STARD13: variants seen among roughly 807,000 people sequenced by gnomAD.
STARD13 encodes the protein stAR-related lipid transfer protein 13.
Under a neutral mutation model 106.4 loss-of-function variants are expected in STARD13, and 62 were observed. The observed-to-expected ratio is 0.58, with a 90% CI of 0.48 to 0.72. STARD13 has a LOEUF of 0.72. STARD13 is among the 30% of genes least tolerant of loss of function. The probability of loss-of-function intolerance (pLI) is 0.00; values close to 1 mark genes in which losing one functional copy is unlikely to be tolerated. For missense variants in STARD13, 1,387 were observed against 1,424.0 expected (o/e 0.97, Z 0.42); for synonymous variants, 565 against 553.0 (o/e 1.02, Z -0.31).
At chr13:33,212,124 G>C (rs1405085912) in intron 1 of STARD13, among the ~76,000 whole-genome samples, 1 of 152,136 alleles carries the variant, frequency 6.6e-6, no homozygotes, top group Non-Finnish European at 1.5e-5. Flanking sequence ...ACCAGACCAA[G>C]GAACCAGCAC....
chr13:33,400,258 T>C, the STARD13 span, among the ~76,000 whole-genome samples: 3 of 152,208 alleles, frequency 2.0e-5, no homozygotes, highest in African/African-American at 7.2e-5. Context: ...TCATTTAGAA[T>C]AATGTCCTCC....
the STARD13 span, among the ~76,000 whole-genome samples, chr13:33,497,594 T>C: frequency 1.3e-5 from 2 of 152,216 alleles, no homozygotes; most frequent in South Asian, 2.1e-4. Context: ...CTCTTCAATA[T>C]ACAAACCTGT....
chr13:33,625,911 A>G, the STARD13 span, among the ~76,000 whole-genome samples: 1 of 152,150 alleles, frequency 6.6e-6, no homozygotes, highest in Non-Finnish European at 1.5e-5. Flanking sequence ...CATGTTGGCT[A>G]GGATGGTCTC....
chr13:33,548,154 A>T, the STARD13 span, among the ~76,000 whole-genome samples: 1 of 152,206 alleles, frequency 6.6e-6, no homozygotes, highest in African/African-American at 2.4e-5. Flanking sequence ...TGAAGGAAAA[A>T]GTTAAAACAA....
At chr13:33,619,777 T>C in the STARD13 span, among the ~76,000 whole-genome samples, 1 of 152,142 alleles carries the variant, frequency 6.6e-6, no homozygotes, top group Non-Finnish European at 1.5e-5. Context: ...TGTAAATACG[T>C]TAGAGGCCGG....
At chr13:33,198,517 A>T (rs1209443550) in intron 1 of STARD13, among the ~76,000 whole-genome samples, 1 of 151,962 alleles carries the variant, frequency 6.6e-6, no homozygotes, top group Non-Finnish European at 1.5e-5. Context: ...TTGAATATAT[A>T]TTGCAAAATG....
chr13:33,206,183 T>A (rs1467176539), intron 1 of STARD13: 4 of 195,736 alleles, frequency 2.0e-5, no homozygotes, highest in African/African-American at 4.7e-5. Flanking sequence ...TGCCAGTCTA[T>A]CACAAACCAA....
the STARD13 span, among the ~76,000 whole-genome samples, chr13:33,591,559 A>C: frequency 5.9e-5 from 9 of 152,222 alleles, no homozygotes; most frequent in Non-Finnish European, 1.3e-4. Context: ...TTTTATTTCT[A>C]AGTCTCATTT....
the STARD13 span, among the ~76,000 whole-genome samples, chr13:33,558,662 G>A: frequency 2.0e-5 from 3 of 151,816 alleles, no homozygotes; most frequent in Non-Finnish European, 4.4e-5. Context: ...CTGCTCAGAA[G>A]CTAATGTTTC....
At chr13:33,474,222 G>A in the STARD13 span, among the ~76,000 whole-genome samples, 18 of 152,222 alleles carry the variant, frequency 1.2e-4, no homozygotes, top group South Asian at 3.5e-3. Context: ...GAGCTAGTTA[G>A]TACATGATGT....
chr13:33,137,688 A>T (rs770268), intron 4 of STARD13, among the ~76,000 whole-genome samples: 149,707 of 152,356 alleles, frequency 0.98, 73,572 homozygotes, highest in East Asian at 1. Context: ...AGAGGGATGC[A>T]CTAAGAAGCA....
intron 1 of STARD13, among the ~76,000 whole-genome samples, chr13:33,329,293 T>TA (rs1290320210): frequency 6.6e-6 from 1 of 152,208 alleles, no homozygotes; most frequent in Non-Finnish European, 1.5e-5. Context: ...TTATGACATA[T>TA]AAAAAATTGT....
the STARD13 span, among the ~76,000 whole-genome samples, chr13:33,490,451 G>A: frequency 1.3e-5 from 2 of 152,154 alleles, no homozygotes; most frequent in Non-Finnish European, 2.9e-5. Context: ...AGCAGGTGAG[G>A]ACACAGGAGG....
chr13:33,248,663 G>A (rs1172095717), intron 1 of STARD13, among the ~76,000 whole-genome samples: 1 of 151,662 alleles, frequency 6.6e-6, no homozygotes, highest in Admixed American at 6.6e-5. Context: ...TTTTGTTTTG[G>A]TATTCCTCCC....
At chr13:33,266,689 C>T (rs1169682048) in intron 1 of STARD13, among the ~76,000 whole-genome samples, 3 of 152,180 alleles carry the variant, frequency 2.0e-5, no homozygotes, top group African/African-American at 7.2e-5. Context: ...CCCCTCTTTA[C>T]CTTACCACTC....
chr13:33,244,947 TA>T (rs1262337259), intron 1 of STARD13, among the ~76,000 whole-genome samples: 3 of 152,206 alleles, frequency 2.0e-5, no homozygotes, highest in Non-Finnish European at 2.9e-5. Context: ...GACACATCCC[TA>T]CATCCAAATA....
intron 1 of STARD13, among the ~76,000 whole-genome samples, chr13:33,177,837 G>T (rs1477223964): frequency 3.2e-4 from 8 of 24,616 alleles, no homozygotes; most frequent in African/African-American, 1.8e-3. Flanking sequence ...AGGAAGGAAG[G>T]AAGGAAAGGA....
chr13:33,340,422 A>G (rs913770675), intron 1 of STARD13, among the ~76,000 whole-genome samples: 2 of 139,042 alleles, frequency 1.4e-5, no homozygotes, highest in African/African-American at 2.7e-5. Context: ...CCCAGTGTGG[A>G]AAAACACTTT....
the STARD13 span, among the ~76,000 whole-genome samples, chr13:33,446,447 A>G: frequency 6.6e-6 from 1 of 152,126 alleles, no homozygotes; most frequent in African/African-American, 2.4e-5. Flanking sequence ...CAAAATCACT[A>G]AAAAAGATAG....
Sources: allele counts gnomAD v4.1 joint callset (sites outside exome capture counted in the v4.1 genomes callset), GRCh38; gene constraint gnomAD v4.1.1; transcripts MANE v1.5; gene names NCBI Gene and HGNC (gene_info 2026-07-23, HGNC 2026-07-21).